Variants in LARP4B observed in about 807,000 individuals in gnomAD.
LARP4B encodes La ribonucleoprotein 4B.
A neutral mutation model predicts 89.8 loss-of-function variants in LARP4B; 12 were observed. The observed-to-expected ratio is 0.13, with a 90% CI of 0.09 to 0.22. The LOEUF is 0.22. Ranked by LOEUF, LARP4B falls within the 10% of genes least tolerant of loss-of-function variation. The probability of loss-of-function intolerance (pLI) is 1.00; values close to 1 mark genes in which losing one functional copy is unlikely to be tolerated. For missense variants in LARP4B, 757 were observed against 947.7 expected (o/e 0.80, Z 2.64); for synonymous variants, 367 against 363.3 (o/e 1.01, Z -0.12).
At chr10:934,774 C>T (rs1830726005), upstream of LARP4B, among the ~76,000 whole-genome samples, 1 of 152,178 alleles carries the variant, frequency 6.6e-6, no homozygotes, top group African/African-American at 2.4e-5. Context: ...TTTCCCATGT[C>T]AAGTGGTTAC....
At chr10:917,325 A>C (rs1453842468) in intron 1 of LARP4B, among the ~76,000 whole-genome samples, 1 of 152,162 alleles carries the variant, frequency 6.6e-6, no homozygotes, top group Non-Finnish European at 1.5e-5. Context: ...CTTACTCTCT[A>C]CCTTATTTCT....
chr10:836,536 A>T, intron 7 of LARP4B, 30 bp from the exon 8 acceptor site: 1 of 1,372,310 alleles, frequency 7.3e-7, no homozygotes, highest in Non-Finnish European at 1.0e-6. Flanking sequence ...CAATGGTGAA[A>T]CAAAAATATT....
chr10:851,896 T>C (rs1834072246), intron 5 of LARP4B, among the ~76,000 whole-genome samples: 1 of 152,126 alleles, frequency 6.6e-6, no homozygotes, highest in East Asian at 1.9e-4. Flanking sequence ...TGAAACTCCA[T>C]CTCTACAGAA....
At chr10:872,372 G>A (rs1835259365) in intron 3 of LARP4B, among the ~76,000 whole-genome samples, 1 of 152,208 alleles carries the variant, frequency 6.6e-6, no homozygotes, top group Middle Eastern at 3.2e-3. Context: ...ACGCGAGGCT[G>A]AAGGCACTGA....
Position 896,442 on chromosome 10 carries a change from T to C in LARP4B, c.-39-10682A>G, listed in dbSNP as rs919074020. Among the ~76,000 whole-genome samples, 39 of 152,088 alleles carry C rather than the reference T, an allele frequency of 2.6e-4. 1 individual carries two copies. Among genetic ancestry groups the C allele is most frequent in the Admixed American group, 2.0e-3 (31 of 15,270 alleles). ...ACCAAAATAACACAGTACTAAGAGA[T>C]GAAATGCAAAAGCAGACAAGAATCC... On this transcript the variant is annotated intron_variant, in intron 1 of 17. Transcript: ENST00000316157.
intron 8 of LARP4B, 46 bp downstream of exon 8, chr10:836,357 C>T (rs2131696267): frequency 1.5e-6 from 2 of 1,329,830 alleles, no homozygotes; most frequent in Non-Finnish European, 2.1e-6. Flanking sequence ...CCAACAAAGA[C>T]CTTTGGGAAA....
intron 4 of LARP4B, 51 bp downstream of exon 4, chr10:864,072 A>C (rs1341590949): frequency 6.2e-7 from 1 of 1,607,926 alleles, no homozygotes; most frequent in Admixed American, 1.7e-5. Context: ...TGGCAACAAA[A>C]GCACAGGCCT....
At chr10:857,652 A>C (rs1446798199) in intron 5 of LARP4B, among the ~76,000 whole-genome samples, 1 of 152,138 alleles carries the variant, frequency 6.6e-6, no homozygotes, top group Admixed American at 6.5e-5. Flanking sequence ...AGTTTGTCTT[A>C]ATAAGAGGTC....
chr10:965,252 C>T, the LARP4B span, among the ~76,000 whole-genome samples: 3,870 of 152,328 alleles, frequency 0.025, 76 homozygotes, highest in Middle Eastern at 0.065. Flanking sequence ...GCGTCTCCCA[C>T]GGTGGTGCTC....
the LARP4B span, among the ~76,000 whole-genome samples, chr10:976,675 C>T: frequency 6.1e-5 from 9 of 147,010 alleles, no homozygotes; most frequent in South Asian, 2.2e-4. Flanking sequence ...AGGCCTGTCA[C>T]GTGATGTGTG....
chr10:884,553 A>G (rs1312793884), intron 2 of LARP4B, 47 bp from the exon 3 acceptor site: 1 of 1,290,252 alleles, frequency 7.8e-7, no homozygotes. Flanking sequence ...GTTTAAAAAG[A>G]AACAACATAT....
At chr10:984,794 T>C in the LARP4B span, among the ~76,000 whole-genome samples, 2 of 152,108 alleles carry the variant, frequency 1.3e-5, no homozygotes, top group Non-Finnish European at 2.9e-5. Flanking sequence ...TGTGGTGGCA[T>C]GTACCTGTAG....
intron 8 of LARP4B, among the ~76,000 whole-genome samples, chr10:831,898 A>G (rs1306901693): frequency 6.6e-6 from 1 of 152,236 alleles, no homozygotes; most frequent in Non-Finnish European, 1.5e-5. Flanking sequence ...TATGACCTAT[A>G]ATGCAAAAGA....
intron 1 of LARP4B, among the ~76,000 whole-genome samples, chr10:890,709 T>A (rs928784549): frequency 2.2e-4 from 33 of 151,866 alleles, no homozygotes; most frequent in Non-Finnish European, 3.5e-4. Flanking sequence ...TTTGGACTTT[T>A]TTATTATTAT....
At chr10:850,142 T>C (rs964627965) in intron 5 of LARP4B, among the ~76,000 whole-genome samples, 5 of 152,236 alleles carry the variant, frequency 3.3e-5, no homozygotes, top group Non-Finnish European at 5.9e-5. Context: ...TGTTCAATCA[T>C]CTCAATTTTT....
At chr10:842,819 C>G (rs80032019) in intron 7 of LARP4B, 113 bp downstream of exon 7, 3 of 926,698 alleles carry the variant, frequency 3.2e-6, no homozygotes, top group African/African-American at 1.7e-5. Context: ...AGAAAAGAAT[C>G]TGATTCGCCA....
intron 1 of LARP4B, among the ~76,000 whole-genome samples, chr10:930,936 C>G (rs1245726814): frequency 6.6e-6 from 1 of 150,636 alleles, no homozygotes; most frequent in East Asian, 1.9e-4. Flanking sequence ...GGCGCCCGCC[C>G]GGCCTGGGGG....
At chr10:889,314 T>G (rs1157502046) in intron 1 of LARP4B, among the ~76,000 whole-genome samples, 2 of 152,000 alleles carry the variant, frequency 1.3e-5, no homozygotes, top group African/African-American at 4.8e-5. Flanking sequence ...TCCCAGCAGC[T>G]CAAGGAGCAA....
chr10:919,093 A>C (rs1043020366), intron 1 of LARP4B, among the ~76,000 whole-genome samples: 1 of 152,158 alleles, frequency 6.6e-6, no homozygotes, highest in African/African-American at 2.4e-5. Flanking sequence ...AAAAAAGATA[A>C]CCACAATGAA....
Sources: allele counts gnomAD v4.1 joint callset (sites outside exome capture counted in the v4.1 genomes callset), GRCh38; gene constraint gnomAD v4.1.1; transcripts MANE v1.5; gene names NCBI Gene and HGNC (gene_info 2026-07-23, HGNC 2026-07-21).